PIK3R3: variants seen among roughly 807,000 people sequenced by gnomAD.
PIK3R3 encodes phosphatidylinositol 3-kinase regulatory subunit gamma.
PIK3R3 carries 64 observed loss-of-function variants against 62.9 expected under a neutral mutation model. The observed-to-expected ratio is 1.02, with a 90% confidence interval of 0.83 to 1.25. The LOEUF (loss-of-function observed/expected upper bound fraction) is 1.25. Among genes scored for constraint, PIK3R3 ranks in the 50% most tolerant of loss-of-function variants. PIK3R3 has a pLI of 0.00. For synonymous variants in PIK3R3, 165 were observed against 189.0 expected (o/e 0.87, Z 1.04); for missense variants, 614 against 561.6 (o/e 1.09, Z -0.94).
intron 1 of PIK3R3, among the ~76,000 whole-genome samples, chr1:46,114,350 C>T (rs1156451247): frequency 6.6e-6 from 1 of 152,168 alleles, no homozygotes; most frequent in African/African-American, 2.4e-5. Context: ...GCAGTCCTCT[C>T]TTCAGTGGAC....
At chr1:46,133,231 A>AAAGG (rs1655782670), upstream of PIK3R3, among the ~76,000 whole-genome samples, 1 of 152,042 alleles carries the variant, frequency 6.6e-6, no homozygotes, top group Non-Finnish European at 1.5e-5. Context: ...AGAAAGAAAG[A>AAAGG]AAGGAAGAAA....
intron 1 of PIK3R3, among the ~76,000 whole-genome samples, chr1:46,111,883 A>C (rs1653775428): frequency 6.6e-6 from 1 of 152,176 alleles, no homozygotes; most frequent in South Asian, 2.1e-4. Context: ...TATTTCACAA[A>C]AAGAAAGTTA....
chr1:46,163,905 TC>T, the PIK3R3 span, among the ~76,000 whole-genome samples: 1 of 152,126 alleles, frequency 6.6e-6, no homozygotes, highest in Admixed American at 6.6e-5. Flanking sequence ...GACAACCCAG[TC>T]CTTGAGCTCA....
rs12094002 is a variant in PIK3R3 at position 46,040,570 on chromosome 1, C to G, written c.*3103G>C. ...CAGAGGGCCCAAGCAGGCCCCCTAT[C>G]TGGACCCTCTGGTTTCTGAGGCCAC... On this transcript the variant is annotated 3_prime_UTR_variant, in exon 10 of 10. Transcript: ENST00000262741. 4.4e-6 allele frequency: 1 copy of G among 225,800 alleles called. No homozygotes were observed. Among genetic ancestry groups the G allele is most frequent in the Non-Finnish European group, 8.8e-6 (1 of 113,336 alleles). 14.0% of individuals were successfully genotyped at this position (225,800 alleles called of 1,614,324 possible).
the PIK3R3 span, among the ~76,000 whole-genome samples, chr1:46,165,279 A>T: frequency 7.1e-6 from 1 of 140,922 alleles, no homozygotes; most frequent in Non-Finnish European, 1.5e-5. Context: ...CCCTCACAAC[A>T]CCTAGGTATT....
intron 7 of PIK3R3, among the ~76,000 whole-genome samples, chr1:46,055,257 T>C (rs1229606221): frequency 6.6e-6 from 1 of 152,136 alleles, no homozygotes; most frequent in Non-Finnish European, 1.5e-5. Context: ...TACAAGAATG[T>C]GCCACCACGC....
At chr1:46,096,105 T>C (rs1464006277) in intron 1 of PIK3R3, among the ~76,000 whole-genome samples, 4 of 152,246 alleles carry the variant, frequency 2.6e-5, no homozygotes, top group Non-Finnish European at 4.4e-5. Context: ...TTATATGTTC[T>C]AGGGCTTCTC....
In PIK3R3 at chr1:46,043,070, G is replaced by T. The variant is rs1647024499; in HGVS notation, c.*603C>A. The stretch of plus-strand genomic sequence containing the variant: ...AGGGAGGGGCTGGTGAGATGCTGAA[G>T]CCTAAATTATGTTGGTAAGAAACAA... On this transcript the variant is annotated 3_prime_UTR_variant, in exon 10 of 10. Transcript: ENST00000262741. 4.4e-6 allele frequency: 1 copy of T among 227,064 alleles called. No individual in the cohort carries two copies. The highest frequency in any genetic ancestry group is 1.8e-4 in the South Asian group (1 of 5,478). 14.1% of individuals were successfully genotyped at this position (227,064 alleles called of 1,614,324 possible). A position where few individuals can be genotyped will look rare whatever the true frequency, so the allele number is the denominator to read the frequency against.
At chr1:46,066,877 G>A in intron 4 of PIK3R3, 34 bp downstream of exon 4, 6 of 1,512,294 alleles carry the variant, frequency 4.0e-6, no homozygotes, top group Non-Finnish European at 5.5e-6. Context: ...ATAATCACTT[G>A]CTCAATAGCT....
At chr1:46,097,679 G>C (rs532281609) in intron 1 of PIK3R3, among the ~76,000 whole-genome samples, 115 of 150,886 alleles carry the variant, frequency 7.6e-4, no homozygotes, top group Admixed American at 2.2e-3. Flanking sequence ...CCTGAGGTCA[G>C]GAGTTCAAGA....
intron 3 of PIK3R3, among the ~76,000 whole-genome samples, chr1:46,071,696 CAAAA>C (rs1331276065): frequency 1.2e-4 from 2 of 17,216 alleles, no homozygotes; most frequent in African/African-American, 2.3e-4. Context: ...ACTCTGTCTC[CAAAA>C]AAAAAAAAAA....
intron 1 of PIK3R3, among the ~76,000 whole-genome samples, chr1:46,097,361 T>C (rs1301946106): frequency 3.3e-5 from 5 of 151,904 alleles, no homozygotes; most frequent in Non-Finnish European, 5.9e-5. Context: ...CTGGTCAACA[T>C]TGTGAAACCC....
At position 46,043,705 on chromosome 1, in the gene PIK3R3, C is replaced by CA. The variant is rs780509878; in HGVS notation, c.1353dup (p.Val452CysfsTer30). 6.2e-7 allele frequency: 1 copy of CA among 1,614,236 alleles called. No individual in the cohort carries two copies. Among genetic ancestry groups the CA allele is most frequent in the East Asian group, 2.2e-5 (1 of 44,892 alleles). ...CAAAGCGAGGGCATCTGTGCATGAA[C>CA]AGGGTAGGCAAGCCTGACGTTGAGG... On this transcript the variant is annotated frameshift_variant, in exon 10 of 10. Transcript: ENST00000262741. LOFTEE classifies it high-confidence loss of function.
At chr1:46,094,282 T>A (rs1215489279) in intron 1 of PIK3R3, among the ~76,000 whole-genome samples, 1 of 152,056 alleles carries the variant, frequency 6.6e-6, no homozygotes, top group Non-Finnish European at 1.5e-5. Flanking sequence ...TTCCTAAAAT[T>A]CACAAATCTA....
At chr1:46,111,603 G>A (rs1192156714) in intron 1 of PIK3R3, among the ~76,000 whole-genome samples, 2 of 152,076 alleles carry the variant, frequency 1.3e-5, no homozygotes, top group Non-Finnish European at 2.9e-5. Flanking sequence ...GTGTGCACCT[G>A]TAATCCCAGC....
chr1:46,047,691 C>A (rs959301911), intron 7 of PIK3R3, among the ~76,000 whole-genome samples: 2 of 152,204 alleles, frequency 1.3e-5, no homozygotes, highest in Non-Finnish European at 2.9e-5. Context: ...CTAAGGCAGT[C>A]CCCAGTCACT....
At chr1:46,080,552 T>C in intron 2 of PIK3R3, 90 bp downstream of exon 2, 2 of 847,832 alleles carry the variant, frequency 2.4e-6, no homozygotes, top group Non-Finnish European at 4.0e-6. Flanking sequence ...TGAGCCACCA[T>C]GCCCAGCTTA....
upstream of PIK3R3, among the ~76,000 whole-genome samples, chr1:46,133,473 G>A (rs12742255): frequency 6.6e-6 from 1 of 152,222 alleles, no homozygotes; most frequent in African/African-American, 2.4e-5. Flanking sequence ...CTGGTCCTTA[G>A]GAGGTCTCTG....
the PIK3R3 span, among the ~76,000 whole-genome samples, chr1:46,162,160 C>T: frequency 2.0e-5 from 3 of 149,048 alleles, no homozygotes; most frequent in Non-Finnish European, 3.0e-5. Flanking sequence ...ACAATTTATA[C>T]GTCTAAGGGT....
Sources: gnomAD v4.1 joint callset for allele counts (sites outside exome capture counted in the v4.1 genomes callset) on GRCh38, gnomAD v4.1.1 for gene constraint, MANE v1.5 for transcripts, NCBI Gene and HGNC (gene_info 2026-07-23, HGNC 2026-07-21) for gene names.